The following CACNB3 variants were observed in gnomAD, a reference collection of about 807,000 sequenced individuals.
CACNB3 encodes the protein calcium voltage-gated channel auxiliary subunit beta 3.
CACNB3 carries 36 observed loss-of-function variants against 63.7 expected under a neutral mutation model. The observed-to-expected ratio is 0.57, with a 90% confidence interval of 0.43 to 0.75. The LOEUF is 0.75. CACNB3 is among the 30% of genes least tolerant of loss of function. The probability of loss-of-function intolerance (pLI) is 0.00; values close to 1 mark genes in which losing one functional copy is unlikely to be tolerated. For missense variants in CACNB3, 493 were observed against 648.6 expected (o/e 0.76, Z 2.61); for synonymous variants, 241 against 250.6 (o/e 0.96, Z 0.36).
In CACNB3 at chr12:48,825,235, G is replaced by C; in HGVS notation, c.565G>C (p.Gly189Arg). Residue 189 changes from glycine (G) to arginine (R), a missense_variant, in exon 7 of 13, where the codon GGT becomes CGT. By Grantham distance (125) the Gly-to-Arg change is moderately radical. Transcript: ENST00000301050. This position sits in a 1 kb window ranked among gnomAD's most constrained non-coding sequence, Gnocchi z 4.5. ...GGTGCTGGTGGGACCCTCTCTGAAA[G>C]GTTATGAGGTGAGAGGAGGTCCTTG... Reference protein sequence around the residue: ...PVVLVGPSLKGYEVTDMMQKA... With the variant: ...PVVLVGPSLKRYEVTDMMQKA... The C allele has an allele frequency of 6.2e-7, 1 of 1,614,018 alleles. No individual in the cohort carries two copies.
intron 1 of CACNB3, 145 bp downstream of exon 1, chr12:48,819,119 T>C: frequency 2.3e-6 from 2 of 852,984 alleles, no homozygotes; most frequent in South Asian, 1.7e-5. Context: ...CGTGGGGAGA[T>C]GGATTTTCAT....
chr12:48,824,902 C>G (rs773118163), intron 5 of CACNB3, 47 bp from the exon 6 acceptor site: 6 of 1,610,790 alleles, frequency 3.7e-6, no homozygotes. Context: ...CCCCAGGGAC[C>G]TTTCCCCCTT....
chr12:48,828,865 G>C lies in CACNB3; in HGVS notation c.*966G>C. ...CGGCTACTCTTGCCTTATGGCTCTA[G>C]TGTGTGACCTACAGAGCATGCTCCA... On this transcript the variant is annotated 3_prime_UTR_variant, in exon 13 of 13. Coordinates refer to ENST00000301050, the MANE Select transcript of CACNB3 (RefSeq NM_000725.4). 2.3e-6 allele frequency: 1 copy of C among 430,354 alleles called. No individual in the cohort carries two copies. The highest frequency in any genetic ancestry group is 1.7e-5 in the South Asian group (1 of 59,818). The allele number at this position is 430,354 out of a possible 1,614,324, so 26.7% of individuals were successfully genotyped here.
rs140605164 is a variant in CACNB3 at position 48,827,764 on chromosome 12, C to A, written c.1320C>A (p.His440Gln). 8 of 1,614,096 alleles carry A rather than the reference C, an allele frequency of 5.0e-6. No homozygotes were observed. The highest frequency in any genetic ancestry group is 5.9e-6 in the Non-Finnish European group (7 of 1,180,038). Residue 440 changes from histidine to glutamine, a missense_variant, in exon 13 of 13, where the codon CAC becomes CAA. Coordinates refer to ENST00000301050, the MANE Select transcript of CACNB3 (RefSeq NM_000725.4). ...ADAYQDLYQP[H>Q]RQHTSGLPSA... Reference sequence around the variant, plus strand: ...CCTACCAGGACCTGTACCAGCCTCACCGCCAACACACCTCGGGGCTGCCTA... The same window carrying A: ...CCTACCAGGACCTGTACCAGCCTCAACGCCAACACACCTCGGGGCTGCCTA...
rs1018724668 is a variant in CACNB3, at chr12:48,823,280, G to A, written c.46-64G>A. The A allele has an allele frequency of 1.3e-6, 2 of 1,582,834 alleles. No homozygotes were observed. The highest frequency in any genetic ancestry group is 1.7e-5 in the Admixed American group (1 of 57,746). On this transcript the variant is annotated intron_variant, in intron 1 of 12. Coordinates refer to ENST00000301050, the MANE Select transcript of CACNB3 (RefSeq NM_000725.4). This position sits in a 1 kb window ranked among gnomAD's most constrained non-coding sequence, Gnocchi z 4.2. ...AATAGAGGCAACACTGTAAGGTGAGGAGGGTGCCTCCATGGCATCCTTCAT... is the reference window on the plus strand; with the variant it reads ...AATAGAGGCAACACTGTAAGGTGAGAAGGGTGCCTCCATGGCATCCTTCAT...
chr12:48,827,933 G>A lies in CACNB3; in HGVS notation c.*34G>A. The A allele has an allele frequency of 6.3e-7, 1 of 1,579,790 alleles. No homozygotes were observed. Among genetic ancestry groups the A allele is most frequent in the East Asian group, 2.3e-5 (1 of 43,654 alleles). On this transcript the variant is annotated 3_prime_UTR_variant, in exon 13 of 13. Coordinates refer to ENST00000301050, the MANE Select transcript of CACNB3 (RefSeq NM_000725.4). ...TGCTGCCCTACCCTGGCAGGCACAG[G>A]CGCAGCTGGCTGGGGGGCCCACTCC...
chr12:48,819,053 G>A lies in CACNB3; in HGVS notation c.45+79G>A, dbSNP rs1310505231. 7 of 1,494,814 alleles carry A rather than the reference G, an allele frequency of 4.7e-6. No individual in the cohort carries two copies. In the East Asian group the frequency reaches 1.2e-4, roughly 26 times the overall value. 92.6% of individuals were successfully genotyped at this position (1,494,814 alleles called of 1,614,324 possible). A position where few individuals can be genotyped will look rare whatever the true frequency, so the allele number is the denominator to read the frequency against. ...CCCTTCAACCCTTTCCCCGGTTCAGGACTTTGAAAAACGCCTCAGTGGCAG... is the reference window on the plus strand; with the variant it reads ...CCCTTCAACCCTTTCCCCGGTTCAGAACTTTGAAAAACGCCTCAGTGGCAG... On this transcript the variant is annotated intron_variant, in intron 1 of 12. Transcript: ENST00000301050.
upstream of CACNB3, chr12:48,816,727 A>G (rs902135862): frequency 1.5e-5 from 6 of 405,174 alleles, no homozygotes; most frequent in Admixed American, 1.9e-4. Flanking sequence ...GAGTGTGAGG[A>G]AGGAGTGCTG....
Position 48,827,084 on chromosome 12 carries a change from C to T in CACNB3, c.1101C>T (p.Pro367=), listed in dbSNP as rs1192288577. 32 of 1,613,162 alleles carry T rather than the reference C, an allele frequency of 2.0e-5. No individual in the cohort carries two copies. Among genetic ancestry groups the T allele is most frequent in the Middle Eastern group, 1.9e-4 (1 of 5,396 alleles). Residue 367 remains proline, a synonymous_variant, in exon 12 of 13, where the codon CCC becomes CCT. Transcript: ENST00000301050. ...CCACGCACCACCCAGCCCCTGGCCC[C>T]GGACTTCTGGGTCCTCCCAGTGCCA... ...WRATHHPAPG[P]GLLGPPSAIP... is the part of the protein sequence containing the mutation.
At chr12:48,814,633 T>G, upstream of CACNB3, 1 of 1,373,610 alleles carries the variant, frequency 7.3e-7, no homozygotes. This position sits in a 1 kb window ranked among gnomAD's most constrained non-coding sequence, Gnocchi z 6.9. Flanking sequence ...GAGCGCAGCC[T>G]GGGGTCTCCT....
rs1938292901 is a variant in CACNB3 at position 48,828,851 on chromosome 12, GC to G, written c.*954del. On this transcript the variant is annotated 3_prime_UTR_variant, in exon 13 of 13. Coordinates refer to ENST00000301050, the MANE Select transcript of CACNB3 (RefSeq NM_000725.4). ...AGGACCTGTCTCCCCGGCTACTCTT[GC>G]CTTATGGCTCTAGTGTGTGACCTAC... 2.3e-6 allele frequency: 1 copy of G among 442,236 alleles called. No homozygotes were observed. The highest frequency in any genetic ancestry group is 1.6e-5 in the South Asian group (1 of 62,250). 27.4% of individuals were successfully genotyped at this position (442,236 alleles called of 1,614,324 possible).
intron 12 of CACNB3, 134 bp from the exon 13 acceptor site, chr12:48,827,451 C>A (rs1020015261): frequency 1.4e-5 from 13 of 920,178 alleles, no homozygotes; most frequent in Non-Finnish European, 2.1e-5. Flanking sequence ...AGGAAAAATG[C>A]TCCAGCATGC....
Position 48,828,466 on chromosome 12 carries a change from C to T in CACNB3, c.*567C>T. ...TGGGGTGTGGCAGCCACATCCAAGA[C>T]TGGAGCAGCAGGCTGGCCACGCTCG... On this transcript the variant is annotated 3_prime_UTR_variant, in exon 13 of 13. Transcript: ENST00000301050. 2.9e-6 allele frequency: 1 copy of T among 349,986 alleles called. No homozygotes were observed. Among genetic ancestry groups the T allele is most frequent in the South Asian group, 2.2e-5 (1 of 45,856 alleles). 21.7% of individuals were successfully genotyped at this position (349,986 alleles called of 1,614,324 possible).
Position 48,826,650 on chromosome 12 carries a change from C to T in CACNB3, c.895-109C>T. The stretch of plus-strand genomic sequence containing the variant: ...GCCCTTAACACAACTCTGAGTCATC[C>T]TCACCTGCTACTGATGCCACAAGTG... On this transcript the variant is annotated intron_variant, in intron 10 of 12. Coordinates refer to ENST00000301050, the MANE Select transcript of CACNB3 (RefSeq NM_000725.4). The surrounding 1 kb of genome is among the most constrained non-coding windows in gnomAD (Gnocchi z 4.8). 2 of 1,414,316 alleles carry T rather than the reference C, an allele frequency of 1.4e-6. No individual in the cohort carries two copies. 87.6% of individuals were successfully genotyped at this position (1,414,316 alleles called of 1,614,324 possible).
Position 48,826,655 on chromosome 12 carries a change from C to A in CACNB3, c.895-104C>A. ...TAACACAACTCTGAGTCATCCTCAC[C>A]TGCTACTGATGCCACAAGTGGAAGA... On this transcript the variant is annotated intron_variant, in intron 10 of 12. Transcript: ENST00000301050. This position sits in a 1 kb window ranked among gnomAD's most constrained non-coding sequence, Gnocchi z 4.8. The A allele has an allele frequency of 7.1e-7, 1 of 1,413,464 alleles. No individual in the cohort carries two copies. Among genetic ancestry groups the A allele is most frequent in the Non-Finnish European group, 1.0e-6 (1 of 1,002,574 alleles). The allele number at this position is 1,413,464 out of a possible 1,614,324, so 87.6% of individuals were successfully genotyped here. A position where few individuals can be genotyped will look rare whatever the true frequency, so the allele number is the denominator to read the frequency against.
chr12:48,815,665 G>GGA (rs1420199761), upstream of CACNB3: 2 of 1,533,966 alleles, frequency 1.3e-6, no homozygotes, highest in Non-Finnish European at 1.7e-6. Context: ...CGGGGGAGGG[G>GGA]GAGAGGCCGC....
Position 48,818,676 on chromosome 12 carries a change from C to T in CACNB3, c.-254C>T, listed in dbSNP as rs1937656961. On this transcript the variant is annotated 5_prime_UTR_variant, in exon 1 of 13. Coordinates refer to ENST00000301050, the MANE Select transcript of CACNB3 (RefSeq NM_000725.4). This position sits in a 1 kb window ranked among gnomAD's most constrained non-coding sequence, Gnocchi z 4.3. ...CGGGCACTATTGTTGTAGGAGCCGG[C>T]GCCAGATTCCTCAGCCGCGCTCGGG... 5 of 1,222,902 alleles carry T rather than the reference C, an allele frequency of 4.1e-6. No individual in the cohort carries two copies. The highest frequency in any genetic ancestry group is 4.7e-5 in the Admixed American group (1 of 21,288). The allele number at this position is 1,222,902 out of a possible 1,614,324, so 75.8% of individuals were successfully genotyped here.
At chr12:48,822,003 A>T (rs1322930093) in intron 1 of CACNB3, among the ~76,000 whole-genome samples, 2 of 152,140 alleles carry the variant, frequency 1.3e-5, no homozygotes, top group African/African-American at 2.4e-5. Context: ...GACAGCAGGT[A>T]TGTGATTTTG....
upstream of CACNB3, chr12:48,817,988 C>G (rs921710475): frequency 2.0e-5 from 3 of 152,316 alleles, no homozygotes; most frequent in African/African-American, 7.2e-5. Flanking sequence ...ACCCAGCTCA[C>G]GGAAAGTTCC....
Sources: gnomAD v4.1 joint callset for allele counts (sites outside exome capture counted in the v4.1 genomes callset) on GRCh38, gnomAD v4.1.1 for gene constraint, Gnocchi (gnomAD v3.1) non-coding constraint, MANE v1.5 for transcripts, NCBI Gene and HGNC (gene_info 2026-07-23, HGNC 2026-07-21) for gene names.